GPLD1: variants seen among roughly 807,000 people sequenced by gnomAD.
GPLD1 encodes the protein glycosylphosphatidylinositol specific phospholipase D1, also known as phosphatidylinositol-glycan-specific phospholipase D.
A neutral mutation model predicts 112.6 loss-of-function variants in GPLD1; 84 were observed. That is an observed-to-expected ratio of 0.75 (90% CI 0.63 to 0.89). GPLD1 has a LOEUF of 0.89. Among genes scored for constraint, GPLD1 ranks in the 40% least tolerant of loss-of-function variants. The pLI is 0.00. For missense variants in GPLD1, 1,044 were observed against 1,051.5 expected, an observed-to-expected ratio of 0.99 and a Z score of 0.10; for synonymous variants, 386 against 403.8, an observed-to-expected ratio of 0.96 and a Z score of 0.53.
chr6:24,466,632 G>A (rs1253014416), intron 10 of GPLD1, 48 bp downstream of exon 10: 1 of 1,514,870 alleles, frequency 6.6e-7, no homozygotes, highest in Admixed American at 1.8e-5. Flanking sequence ...GGGGGATGGG[G>A]TAAAAAGGCA....
intron 3 of GPLD1, among the ~76,000 whole-genome samples, chr6:24,477,103 A>C (rs1443317888): frequency 6.6e-6 from 1 of 151,814 alleles, no homozygotes; most frequent in Non-Finnish European, 1.5e-5. Context: ...TAAAGCTTTA[A>C]ACAATTCTTG....
intron 15 of GPLD1, among the ~76,000 whole-genome samples, chr6:24,449,395 A>G (rs1011266072): frequency 6.6e-6 from 1 of 152,156 alleles, no homozygotes. Context: ...ACTCAGTAAG[A>G]AAGGAGGCAA....
At chr6:24,446,703 C>G in intron 18 of GPLD1, 135 bp downstream of exon 18, 1 of 767,106 alleles carries the variant, frequency 1.3e-6, no homozygotes. Flanking sequence ...TGCAATCTTG[C>G]CCAGAGCCTT....
chr6:24,480,939 G>C (rs1488053782), intron 2 of GPLD1, among the ~76,000 whole-genome samples: 1 of 152,228 alleles, frequency 6.6e-6, no homozygotes, highest in East Asian at 1.9e-4. Flanking sequence ...TGCAGCTCTG[G>C]CTTCCCACGT....
At chr6:24,493,195 C>T (rs1003567481), upstream of GPLD1, among the ~76,000 whole-genome samples, 6 of 152,134 alleles carry the variant, frequency 3.9e-5, no homozygotes, top group African/African-American at 7.2e-5. Flanking sequence ...AATGATTTCC[C>T]CAGGCCAGTA....
chr6:24,475,390 A>G (rs529761131), intron 4 of GPLD1, among the ~76,000 whole-genome samples, 159 bp from the exon 5 acceptor site: 1 of 152,248 alleles, frequency 6.6e-6, no homozygotes, highest in East Asian at 1.9e-4. Flanking sequence ...AAACCACATA[A>G]GAGGCCAGGT....
intron 2 of GPLD1, among the ~76,000 whole-genome samples, chr6:24,485,245 C>T (rs1168888830): frequency 6.6e-6 from 1 of 151,964 alleles, no homozygotes. Context: ...AAAATAAAAA[C>T]AAAAAAGATG....
chr6:24,476,238 C>A lies in GPLD1; in HGVS notation c.273G>T (p.Pro91=), dbSNP rs981474449. 3.3e-5 allele frequency: 52 copies of A among 1,574,592 alleles called. No individual in the cohort carries two copies. The highest frequency in any genetic ancestry group is 4.3e-5 in the Non-Finnish European group (50 of 1,155,248). ...TATAATGAACGCTTGCATTAAGAAA[C>A]GGAGTCCAGTGAGTGCTCTCAGACA... ...HDVSESTHWT[P]FLNASVHYIR... is the part of the protein sequence containing the mutation. Residue 91 remains proline, a synonymous_variant, in exon 4 of 25, where the codon CCG becomes CCT. Coordinates refer to ENST00000230036, the MANE Select transcript of GPLD1 (RefSeq NM_001503.4).
At chr6:24,445,925 A>C in intron 18 of GPLD1, 94 bp from the exon 19 acceptor site, 2 of 845,132 alleles carry the variant, frequency 2.4e-6, no homozygotes, top group Non-Finnish European at 4.0e-6. Context: ...ACCTCCCCCC[A>C]TCCAGGCCTC....
intron 14 of GPLD1, 59 bp downstream of exon 14, chr6:24,453,956 C>T: frequency 2.8e-6 from 3 of 1,090,064 alleles, no homozygotes; most frequent in East Asian, 2.5e-5. Flanking sequence ...GAGAATCTGC[C>T]ACAAAATGCA....
At chr6:24,488,039 C>T (rs981196229) in intron 1 of GPLD1, among the ~76,000 whole-genome samples, 5 of 152,036 alleles carry the variant, frequency 3.3e-5, no homozygotes, top group Admixed American at 3.3e-4. Flanking sequence ...CATTTTTTGC[C>T]TATAATCTTA....
Position 24,449,802 on chromosome 6 carries a change from T to A in GPLD1, c.1433A>T (p.Gln478Leu), listed in dbSNP as rs568498650. 2 of 1,610,544 alleles carry A rather than the reference T, an allele frequency of 1.2e-6. No homozygotes were observed. Among genetic ancestry groups the A allele is most frequent in the Non-Finnish European group, 8.5e-7 (1 of 1,177,346 alleles). The change falls in exon 15 of 25, where the codon CAG becomes CTG. Residue 478 changes from glutamine to leucine, a missense_variant. Coordinates refer to ENST00000230036, the MANE Select transcript of GPLD1 (RefSeq NM_001503.4). ...AVGAPSVGSE[Q>L]LTYKGAVYVY... ...CAGCAGCCTTACTTTGTAGGTGAGC[T>A]GCTCGGAGCCCACCGAGGGAGCTCC...
At chr6:24,431,682 G>A (rs1762409295) in intron 24 of GPLD1, among the ~76,000 whole-genome samples, 1 of 151,864 alleles carries the variant, frequency 6.6e-6, no homozygotes, top group Admixed American at 6.6e-5. Flanking sequence ...CTATAGGCAT[G>A]CACCACCACG....
upstream of GPLD1, among the ~76,000 whole-genome samples, chr6:24,492,469 G>A (rs149893666): frequency 0.016 from 2,104 of 132,024 alleles, 30 homozygotes; most frequent in South Asian, 0.023. Context: ...TCGTGCCATT[G>A]CACTCCAGCC....
chr6:24,478,031 A>G (rs1764080495), intron 3 of GPLD1, among the ~76,000 whole-genome samples: 1 of 152,212 alleles, frequency 6.6e-6, no homozygotes, highest in South Asian at 2.1e-4. Context: ...ATGCTAGGTA[A>G]ATACTTTACA....
chr6:24,443,655 C>T (rs2127326312), intron 20 of GPLD1, among the ~76,000 whole-genome samples: 1 of 152,034 alleles, frequency 6.6e-6, no homozygotes, highest in Admixed American at 6.6e-5. Flanking sequence ...CATTCCTTTG[C>T]CTAATCCACT....
At chr6:24,488,523 T>A (rs921815629) in intron 1 of GPLD1, among the ~76,000 whole-genome samples, 2 of 152,194 alleles carry the variant, frequency 1.3e-5, no homozygotes, top group South Asian at 4.1e-4. Flanking sequence ...ACGTTTTCCA[T>A]GCGTTAAAAC....
chr6:24,446,927 GAA>G lies in GPLD1; in HGVS notation c.1729_1730del (p.Phe577LeufsTer40). 6.2e-7 allele frequency: 1 copy of G among 1,613,950 alleles called. No individual in the cohort carries two copies. The highest frequency in any genetic ancestry group is 8.5e-7 in the Non-Finnish European group (1 of 1,179,918). ...CGTGAAGGGAATATCCAAACCAGGA[GAA>G]GTCTTCCTCGCCTCTCACCGTCCAG... ...ANWTVRGEED[F>X]SWFGYSLHGV... On this transcript the variant is annotated frameshift_variant, in exon 18 of 25. Coordinates refer to ENST00000230036, the MANE Select transcript of GPLD1 (RefSeq NM_001503.4). LOFTEE classifies it high-confidence loss of function.
intron 20 of GPLD1, among the ~76,000 whole-genome samples, chr6:24,444,528 A>G (rs9467167): frequency 6.6e-5 from 10 of 152,116 alleles, no homozygotes; most frequent in African/African-American, 2.4e-4. Context: ...TCTTTCCCAT[A>G]AAGTAAACAA....
Sources: gnomAD v4.1 joint callset for allele counts (sites outside exome capture counted in the v4.1 genomes callset) on GRCh38, gnomAD v4.1.1 for gene constraint, MANE v1.5 for transcripts, NCBI Gene and HGNC (gene_info 2026-07-23, HGNC 2026-07-21) for gene names.